The following PANX2 variants were observed in gnomAD, a reference collection of about 807,000 sequenced individuals.
PANX2 encodes the protein pannexin-2.
Under a neutral mutation model 38.7 loss-of-function variants are expected in PANX2, and 30 were observed. That is an observed-to-expected ratio of 0.78 (90% CI 0.58 to 1.05). The LOEUF (loss-of-function observed/expected upper bound fraction) is 1.05, where lower values mean the gene tolerates loss of function less well. PANX2 is among the 50% of genes least tolerant of loss of function. PANX2 has a pLI of 0.00. For missense variants in PANX2, 880 were observed against 979.3 expected (o/e 0.90, Z 1.35); for synonymous variants, 539 against 472.1 (o/e 1.14, Z -1.84).
In PANX2 at chr22:50,179,447, A is replaced by C. The variant is rs1051351988; in HGVS notation, c.*170A>C. 4.7e-5 allele frequency: 30 copies of C among 639,478 alleles called. No individual in the cohort carries two copies. The highest frequency in any genetic ancestry group is 9.0e-5 in the Admixed American group (3 of 33,372). 39.6% of individuals were successfully genotyped at this position (639,478 alleles called of 1,614,324 possible). On this transcript the variant is annotated 3_prime_UTR_variant, in exon 3 of 3. Transcript: ENST00000395842. ...GGGCCTTCGCCCCCACGTGCTCGAC[A>C]GGGGAACCCGCCCGGACGGCATCGC... is the stretch of plus-strand genomic sequence containing the variant.
At position 50,177,946 on chromosome 22, in the gene PANX2, G is replaced by A. The variant is rs200300399; in HGVS notation, c.1234G>A (p.Ala412Thr). 2.2e-4 allele frequency: 334 copies of A among 1,532,642 alleles called. 2 individuals are homozygous for A. The African/African-American group carries it at 3.9e-3, about 18-fold the overall frequency. 94.9% of individuals were successfully genotyped at this position (1,532,642 alleles called of 1,614,324 possible). A position where few individuals can be genotyped will look rare whatever the true frequency, so the allele number is the denominator to read the frequency against. ...GACCGTGGACCCCAGCGCCAACCCC[G>A]CCGAGCCCGACGGCGCCGCCGAGCC... ...VQTVDPSANP[A>T]EPDGAAEPPV... Residue 412 changes from alanine to threonine, a missense_variant, in exon 2 of 3, where the codon GCC becomes ACC. Around this residue, in one of 4 missense-constraint regions of PANX2, gnomAD observed 445 missense variants for 404.3 expected, o/e 1.10. Transcript: ENST00000395842.
chr22:50,176,629 C>A (rs1335197229), intron 1 of PANX2, among the ~76,000 whole-genome samples: 1 of 152,136 alleles, frequency 6.6e-6, no homozygotes, highest in Non-Finnish European at 1.5e-5. Context: ...GATTTGGTTT[C>A]CCCTTGTGCA....
chr22:50,176,063 C>A (rs2063659596), intron 1 of PANX2, among the ~76,000 whole-genome samples: 3 of 152,160 alleles, frequency 2.0e-5, no homozygotes, highest in South Asian at 4.1e-4. Flanking sequence ...GTGAAGGGCT[C>A]AGCCTGAAGA....
Position 50,178,392 on chromosome 22 carries a change from GC to G in PANX2, c.1683del (p.Ile562SerfsTer42). ...ACTGTGGGCTAGGCCTGGCCCCGGC[GC>G]CCATCAAAGGTAGGGGCAGGGCCGG... ...EDCGLGLAPA[P>X]IKDAPLPEKE... On this transcript the variant is annotated frameshift_variant, in exon 2 of 3. Transcript: ENST00000395842. LOFTEE classifies it low-confidence loss of function (END_TRUNC). The G allele has an allele frequency of 7.0e-7, 1 of 1,422,344 alleles. No individual in the cohort carries two copies. Among genetic ancestry groups the G allele is most frequent in the Non-Finnish European group, 9.1e-7 (1 of 1,095,150 alleles). The allele number at this position is 1,422,344 out of a possible 1,614,324, so 88.1% of individuals were successfully genotyped here.
At position 50,176,958 on chromosome 22, in the gene PANX2, C is replaced by G; in HGVS notation, c.246C>G (p.Tyr82Ter). 1 of 1,548,528 alleles carries G rather than the reference C, an allele frequency of 6.5e-7. No homozygotes were observed. Among genetic ancestry groups the G allele is most frequent in the Non-Finnish European group, 8.7e-7 (1 of 1,155,462 alleles). Residue 82 changes from tyrosine (Y) to a stop codon, truncating the protein, a stop_gained, in exon 2 of 3, where the codon TAC becomes TAG. Coordinates refer to ENST00000395842, the MANE Select transcript of PANX2 (RefSeq NM_052839.4). LOFTEE classifies it high-confidence loss of function. Reference sequence around the variant, plus strand: ...CCCCAGAGGAACCCATTTACTGTTACACCCCGCACAACTTCACGCGCGACC... The same window carrying G: ...CCCCAGAGGAACCCATTTACTGTTAGACCCCGCACAACTTCACGCGCGACC... Reference protein sequence around the residue: ...KNFAEEPIYCYTPHNFTRDQA... With the variant: ...KNFAEEPIYC
intron 1 of PANX2, 114 bp from the exon 2 acceptor site, chr22:50,176,825 G>C: frequency 8.8e-7 from 1 of 1,141,820 alleles, no homozygotes; most frequent in South Asian, 1.7e-5. Flanking sequence ...GTGGGAGGAG[G>C]CTGGAGAGGC....
chr22:50,173,974 C>T (rs2063648931), intron 1 of PANX2, among the ~76,000 whole-genome samples: 1 of 152,158 alleles, frequency 6.6e-6, no homozygotes, highest in African/African-American at 2.4e-5. Flanking sequence ...CCGCCACAGG[C>T]TCCGGGGTTG....
chr22:50,175,684 T>C (rs2063657546), intron 1 of PANX2, among the ~76,000 whole-genome samples: 1 of 152,008 alleles, frequency 6.6e-6, no homozygotes, highest in Non-Finnish European at 1.5e-5. Flanking sequence ...ATCTGATGAC[T>C]CATGGGAACC....
At chr22:50,172,522 A>G (rs970724891) in intron 1 of PANX2, among the ~76,000 whole-genome samples, 10 of 148,854 alleles carry the variant, frequency 6.7e-5, no homozygotes, top group African/African-American at 2.5e-4. Context: ...TCTCGGGCTC[A>G]GGTGTTCTTC....
chr22:50,178,306 G>A lies in PANX2; in HGVS notation c.1594G>A (p.Val532Met). 6.6e-7 allele frequency: 1 copy of A among 1,521,754 alleles called. No individual in the cohort carries two copies. The highest frequency in any genetic ancestry group is 8.8e-7 in the Non-Finnish European group (1 of 1,140,624). The allele number at this position is 1,521,754 out of a possible 1,614,324, so 94.3% of individuals were successfully genotyped here. The change falls in exon 2 of 3, where the codon GTG (valine) becomes ATG (methionine). Residue 532 changes from valine to methionine, a missense_variant. Val to Met is a conservative substitution (Grantham distance 21). Transcript: ENST00000395842. The stretch of plus-strand genomic sequence containing the variant: ...CACCAAGAAGGCCAAGGCCGAGGCG[G>A]TGCCCGCCGCCCTGCCCGCCTCCCG... ...LGTKKAKAEA[V>M]PAALPASRSQ...
Position 50,179,113 on chromosome 22 carries a change from C to T in PANX2, c.1870C>T (p.Pro624Ser). 6.2e-7 allele frequency: 1 copy of T among 1,612,008 alleles called. No individual in the cohort carries two copies. Among genetic ancestry groups the T allele is most frequent in the Non-Finnish European group, 8.5e-7 (1 of 1,179,546 alleles). Reference sequence around the variant, plus strand: ...CATCCTGAGCCGAAACGCCACACACCCGCTGCTGCACATCAACACGCTGTA... The same window carrying T: ...CATCCTGAGCCGAAACGCCACACACTCGCTGCTGCACATCAACACGCTGTA... ...LTILSRNATH[P>S]LLHINTLYEA... Residue 624 changes from proline to serine, a missense_variant, in exon 3 of 3, where the codon CCG (proline) becomes TCG (serine). Physicochemically the swap from Pro to Ser is moderately conservative, Grantham distance 74. Transcript: ENST00000395842.
At chr22:50,172,684 CGTG>C (rs1569065546) in intron 1 of PANX2, among the ~76,000 whole-genome samples, 4 of 152,110 alleles carry the variant, frequency 2.6e-5, no homozygotes, top group Non-Finnish European at 5.9e-5. Context: ...GGACTACAGG[CGTG>C]AGCCACTGTG....
chr22:50,178,869 G>C, intron 2 of PANX2, 65 bp from the exon 3 acceptor site: 1 of 1,390,572 alleles, frequency 7.2e-7, no homozygotes, highest in South Asian at 1.4e-5. Context: ...GCCTGCACTG[G>C]GTGGGCGCTG....
rs768497136 is a variant in PANX2 at position 50,176,987 on chromosome 22, C to A, written c.275C>A (p.Ala92Glu). 1 of 1,582,868 alleles carries A rather than the reference C, an allele frequency of 6.3e-7. No individual in the cohort carries two copies. ...CCGCACAACTTCACGCGCGACCAGGCGCTGTACGCCCGCGGCTACTGCTGG... is the reference window on the plus strand; with the variant it reads ...CCGCACAACTTCACGCGCGACCAGGAGCTGTACGCCCGCGGCTACTGCTGG... Reference protein sequence around the residue: ...YTPHNFTRDQALYARGYCWTE... With the variant: ...YTPHNFTRDQELYARGYCWTE... Residue 92 changes from alanine to glutamate, a missense_variant, in exon 2 of 3, where the codon GCG becomes GAG. Transcript: ENST00000395842.
At chr22:50,173,445 G>A (rs1474812705) in intron 1 of PANX2, among the ~76,000 whole-genome samples, 1 of 152,278 alleles carries the variant, frequency 6.6e-6, no homozygotes, top group Admixed American at 6.5e-5. Flanking sequence ...AGGGCCGAGC[G>A]CAGCCCCTGA....
chr22:50,177,643 C>A lies in PANX2; in HGVS notation c.931C>A (p.His311Asn). Residue 311 changes from histidine (H) to asparagine (N), a missense_variant, in exon 2 of 3, where the codon CAC (histidine) becomes AAC (asparagine). Transcript: ENST00000395842. Reference sequence around the variant, plus strand: ...CCTCATCATCCTCGTCAACCTCATCCACCTCTTCATCTTCCGCAAGAGCAA... The same window carrying A: ...CCTCATCATCCTCGTCAACCTCATCAACCTCTTCATCTTCCGCAAGAGCAA... ...MNLIILVNLI[H>N]LFIFRKSNFI... is the part of the protein sequence containing the mutation. The A allele has an allele frequency of 6.2e-7, 1 of 1,612,858 alleles. No individual in the cohort carries two copies.
chr22:50,176,641 A>G (rs2063662639), intron 1 of PANX2, among the ~76,000 whole-genome samples: 1 of 152,194 alleles, frequency 6.6e-6, no homozygotes, highest in Non-Finnish European at 1.5e-5. Flanking sequence ...CCTTGTGCAC[A>G]CAGGGCTTTG....
At chr22:50,173,096 C>T (rs2063642193) in intron 1 of PANX2, among the ~76,000 whole-genome samples, 1 of 152,158 alleles carries the variant, frequency 6.6e-6, no homozygotes, top group Admixed American at 6.5e-5. Flanking sequence ...CGGGGTTTTG[C>T]CATGTTGGCC....
At chr22:50,173,654 G>A (rs990462929) in intron 1 of PANX2, among the ~76,000 whole-genome samples, 18 of 152,246 alleles carry the variant, frequency 1.2e-4, no homozygotes, top group African/African-American at 3.6e-4. Context: ...GTGGCTGCTG[G>A]AACAAACCTA....
Sources: allele counts gnomAD v4.1 joint callset (sites outside exome capture counted in the v4.1 genomes callset), GRCh38; gene constraint gnomAD v4.1.1; regional missense constraint gnomAD v4.1.1; transcripts MANE v1.5; gene names NCBI Gene and HGNC (gene_info 2026-07-23, HGNC 2026-07-21).